Variants in WNK3 observed in about 807,000 individuals in gnomAD.
WNK3 encodes the protein serine/threonine-protein kinase WNK3.
WNK3 carries 18 observed loss-of-function variants against 116.7 expected under a neutral mutation model. The ratio of observed to expected loss-of-function variants is 0.15; its 90% CI spans 0.11 to 0.23. The LOEUF (loss-of-function observed/expected upper bound fraction) is 0.23. Ranked by LOEUF, WNK3 falls within the 10% of genes least tolerant of loss-of-function variation. The pLI is 1.00. For synonymous variants in WNK3, 404 were observed against 469.4 expected (o/e 0.86, Z 1.80); for missense variants, 993 against 1,323.8 (o/e 0.75, Z 3.88).
At chrX:54,214,731 G>A (rs1415199178) in intron 22 of WNK3, among the ~76,000 whole-genome samples, 3 of 111,386 alleles carry the variant, frequency 2.7e-5, no homozygotes, top group Non-Finnish European at 5.7e-5. Context: ...ACCATCTCCA[G>A]GCTGGGCGCG....
intron 1 of WNK3, among the ~76,000 whole-genome samples, chrX:54,337,117 A>G (rs1478201283): frequency 8.9e-6 from 1 of 111,848 alleles, no homozygotes; most frequent in Non-Finnish European, 1.9e-5. Context: ...CCCAAATGTT[A>G]AACATTTTAG....
At chrX:54,286,191 G>A (rs1464228970) in intron 10 of WNK3, among the ~76,000 whole-genome samples, 2 of 104,269 alleles carry the variant, frequency 1.9e-5, no homozygotes, top group Admixed American at 1.1e-4. Context: ...TGTAGTGCAG[G>A]AAAACAAACA....
chrX:54,277,684 A>C (rs2068466131), intron 10 of WNK3, among the ~76,000 whole-genome samples: 1 of 111,933 alleles, frequency 8.9e-6, no homozygotes, highest in South Asian at 3.7e-4. Context: ...CCAAAAAAAC[A>C]AACAAATCCT....
At chrX:54,213,186 A>G (rs1244383236) in intron 22 of WNK3, among the ~76,000 whole-genome samples, 2 of 109,000 alleles carry the variant, frequency 1.8e-5, no homozygotes, top group Non-Finnish European at 3.8e-5. Context: ...GGGTGTCACT[A>G]TGTTGCCAGG....
chrX:54,292,885 T>C lies in WNK3; in HGVS notation c.2037+3A>G. 1 of 1,207,450 alleles carries C rather than the reference T, an allele frequency of 8.3e-7. No individual in the cohort carries two copies. Among genetic ancestry groups the C allele is most frequent in the Non-Finnish European group, 1.1e-6 (1 of 894,025 alleles). On this transcript the variant is annotated splice_donor_region_variant and intron_variant, in intron 10 of 23. Coordinates refer to ENST00000354646, the Ensembl canonical transcript of WNK3. ...AATACAGAACCTCTAAAATGTGTCT[T>C]ACCTTTATCTGTGGGACCTTCTGAA...
intron 11 of WNK3, among the ~76,000 whole-genome samples, chrX:54,258,144 G>C (rs2068215593): frequency 9.4e-6 from 1 of 106,751 alleles, no homozygotes; most frequent in Non-Finnish European, 1.9e-5. Flanking sequence ...CAGGCGTGGT[G>C]GTGCGAGCCT....
chrX:54,343,855 C>G lies in WNK3; in HGVS notation c.-119-10063G>C, dbSNP rs2069366730. 2.7e-5 allele frequency among the ~76,000 whole-genome samples: 3 copies of G among 109,393 alleles called. No individual in the cohort carries two copies. The Admixed American group carries it at 3.0e-4, about 11-fold the overall frequency. 95.0% of individuals were successfully genotyped at this position (109,393 alleles called of 115,157 possible). A position where few individuals can be genotyped will look rare whatever the true frequency, so the allele number is the denominator to read the frequency against. ...TTAATTTTTTTTGTAGAGATGAGGTCAAGCCACATTGCCCCGGCTCCTCTC... is the reference window on the plus strand; with the variant it reads ...TTAATTTTTTTTGTAGAGATGAGGTGAAGCCACATTGCCCCGGCTCCTCTC... On this transcript the variant is annotated intron_variant, in intron 1 of 23. Transcript: ENST00000354646.
At chrX:54,263,601 T>C (rs1393755743) in intron 10 of WNK3, among the ~76,000 whole-genome samples, 1 of 111,731 alleles carries the variant, frequency 9.0e-6, no homozygotes, top group African/African-American at 3.2e-5. Context: ...TTTAAAACCA[T>C]TTCACACTAA....
At chrX:54,340,931 A>C (rs1332912285) in intron 1 of WNK3, among the ~76,000 whole-genome samples, 1 of 112,090 alleles carries the variant, frequency 8.9e-6, no homozygotes, top group African/African-American at 3.2e-5. Flanking sequence ...TCAGTAAGTT[A>C]AACAGAGTTA....
chrX:54,313,354 A>AT (rs111763027), intron 2 of WNK3, among the ~76,000 whole-genome samples: 13,627 of 99,062 alleles, frequency 0.14, 2,089 homozygotes, highest in African/African-American at 0.43. Flanking sequence ...ACTCCTCTGT[A>AT]TTTTTTTTTT....
At chrX:54,225,413 G>C (rs2067823791) in intron 22 of WNK3, among the ~76,000 whole-genome samples, 1 of 109,612 alleles carries the variant, frequency 9.1e-6, no homozygotes, top group South Asian at 3.9e-4. Context: ...ATGAGGTCAG[G>C]AGTTCAAGAC....
At chrX:54,267,010 G>A (rs781932447) in intron 10 of WNK3, among the ~76,000 whole-genome samples, 17 of 110,672 alleles carry the variant, frequency 1.5e-4, no homozygotes, top group South Asian at 3.9e-4. Flanking sequence ...TTCTGTTCCC[G>A]TGTTAGTTTG....
At chrX:54,354,858 C>A (rs1387965184) in intron 1 of WNK3, among the ~76,000 whole-genome samples, 2 of 110,153 alleles carry the variant, frequency 1.8e-5, no homozygotes, top group African/African-American at 6.6e-5. Flanking sequence ...CCGAGGCGGG[C>A]GGATCACTTG....
At chrX:54,301,675 A>C in intron 6 of WNK3, 96 bp downstream of exon 6, 1 of 726,432 alleles carries the variant, frequency 1.4e-6, no homozygotes, top group Non-Finnish European at 2.1e-6. Flanking sequence ...CTCAAAAGTC[A>C]AACTCAGCAT....
At chrX:54,215,447 T>C (rs1476260333) in intron 22 of WNK3, among the ~76,000 whole-genome samples, 1 of 112,745 alleles carries the variant, frequency 8.9e-6, no homozygotes, top group African/African-American at 3.2e-5. Flanking sequence ...AGCCTCGGCC[T>C]CCCGAGGTGC....
intron 22 of WNK3, among the ~76,000 whole-genome samples, chrX:54,214,839 C>T (rs369664036): frequency 3.6e-5 from 4 of 111,126 alleles, no homozygotes; most frequent in African/African-American, 1.3e-4. Flanking sequence ...GGTGAGACCC[C>T]TGTCTCTACT....
intron 22 of WNK3, among the ~76,000 whole-genome samples, chrX:54,211,539 C>T (rs1557143762): frequency 9.1e-6 from 1 of 110,149 alleles, no homozygotes; most frequent in African/African-American, 3.3e-5. Context: ...TGAGTGGTGG[C>T]ACACACCTGT....
chrX:54,265,343 C>T (rs1431912468), intron 10 of WNK3, among the ~76,000 whole-genome samples: 1 of 110,808 alleles, frequency 9.0e-6, no homozygotes, highest in Non-Finnish European at 1.9e-5. Context: ...AAAAATTAGC[C>T]GGGCGTGGTG....
chrX:54,260,714 T>C (rs1348123206), intron 10 of WNK3, among the ~76,000 whole-genome samples: 1 of 110,876 alleles, frequency 9.0e-6, no homozygotes, highest in Non-Finnish European at 1.9e-5. Context: ...GTTTCATTTT[T>C]ACTTTCATTT....
Sources: gnomAD v4.1 joint callset for allele counts (sites outside exome capture counted in the v4.1 genomes callset) on GRCh38, gnomAD v4.1.1 for gene constraint, MANE v1.5 for transcripts, NCBI Gene and HGNC (gene_info 2026-07-23, HGNC 2026-07-21) for gene names.